ERAS: variants seen among roughly 807,000 people sequenced by gnomAD.
ERAS encodes GTPase ERas.
For missense variants in ERAS, 137 were observed against 199.2 expected (o/e 0.69, Z 1.88); for synonymous variants, 87 against 89.1 (o/e 0.98, Z 0.13).
At chrX:48,828,507 G>A (rs1418151343) in intron 1 of ERAS, among the ~76,000 whole-genome samples, 4 of 112,107 alleles carry the variant, frequency 3.6e-5, no homozygotes, top group African/African-American at 1.3e-4. Flanking sequence ...AACAGACCAC[G>A]TGATTTACAT....
intron 1 of ERAS, among the ~76,000 whole-genome samples, chrX:48,827,770 T>A (rs1485503013): frequency 9.0e-6 from 1 of 111,402 alleles, no homozygotes; most frequent in Non-Finnish European, 1.9e-5. Context: ...ATTGACCACC[T>A]GCCGTGTGCC....
At position 48,829,651 on chromosome X, in the gene ERAS, C is replaced by T. The variant is rs1557033057; in HGVS notation, c.528C>T (p.His176=). Residue 176 remains histidine (H), a synonymous_variant, in exon 2 of 2, where the codon CAC becomes CAT. Coordinates refer to ENST00000636362, the MANE Select transcript of ERAS (RefSeq NM_181532.3). ...AAALAHSWGA[H]FVETSAKTRQ... ...CCCTCGCACACAGCTGGGGGGCCCA[C>T]TTCGTGGAGACCTCGGCCAAAACAC... is the stretch of plus-strand genomic sequence containing the variant. 5 of 1,209,827 alleles carry T rather than the reference C, an allele frequency of 4.1e-6. No individual in the cohort carries two copies. The highest frequency in any genetic ancestry group is 3.5e-5 in the South Asian group (2 of 56,619).
rs1557032986 is a variant in ERAS at position 48,829,263 on chromosome X, T to C, written c.140T>C (p.Val47Ala). 2 of 1,207,975 alleles carry C rather than the reference T, an allele frequency of 1.7e-6. No homozygotes were observed. Among genetic ancestry groups the C allele is most frequent in the Admixed American group, 4.4e-5 (2 of 45,802 alleles). ...CTGCCTGAGTACAAGGCTGTGGTGGTGGGCGCCAGTGGCGTGGGCAAGAGT... is the reference window on the plus strand; with the variant it reads ...CTGCCTGAGTACAAGGCTGTGGTGGCGGGCGCCAGTGGCGTGGGCAAGAGT... Reference protein sequence around the residue: ...RQLPEYKAVVVGASGVGKSAL... With the variant: ...RQLPEYKAVVAGASGVGKSAL... Residue 47 changes from valine (V) to alanine (A), a missense_variant, in exon 2 of 2, where the codon GTG (valine) becomes GCG (alanine). By Grantham distance (64) the Val-to-Ala change is moderately conservative. Coordinates refer to ENST00000636362, the MANE Select transcript of ERAS (RefSeq NM_181532.3).
rs782704700 is a variant in ERAS at position 48,829,713 on chromosome X, A to G, written c.590A>G (p.His197Arg). ...GAGGAGGCCTTTTCCCTGCTGGTCCATGAGATCCAGAGGGTCCAGGAGGCC... is the reference window on the plus strand; with the variant it reads ...GAGGAGGCCTTTTCCCTGCTGGTCCGTGAGATCCAGAGGGTCCAGGAGGCC... Reference protein sequence around the residue: ...GVEEAFSLLVHEIQRVQEAMA... With the variant: ...GVEEAFSLLVREIQRVQEAMA... The change falls in exon 2 of 2, where the codon CAT (histidine) becomes CGT (arginine). Residue 197 changes from histidine (H) to arginine (R), a missense_variant. His to Arg is a conservative substitution (Grantham distance 29). Transcript: ENST00000636362. The G allele has an allele frequency of 6.6e-6, 8 of 1,205,603 alleles. No homozygotes were observed. Among genetic ancestry groups the G allele is most frequent in the Non-Finnish European group, 9.0e-6 (8 of 892,695 alleles).
At chrX:48,828,853 C>A (rs2063165488) in intron 1 of ERAS, 1 of 271,096 alleles carries the variant, frequency 3.7e-6, no homozygotes, top group Non-Finnish European at 6.5e-6. Flanking sequence ...GGAAATCCAG[C>A]CTTCACAGTT....
At chrX:48,828,555 T>C (rs2063164958) in intron 1 of ERAS, among the ~76,000 whole-genome samples, 1 of 111,981 alleles carries the variant, frequency 8.9e-6, no homozygotes, top group African/African-American at 3.2e-5. Context: ...CTCTGCCTTT[T>C]AGAACATAAA....
Position 48,829,153 on chromosome X carries a change from C to T in ERAS, c.30C>T (p.Phe10=), listed in dbSNP as rs782745358. The part of the protein sequence containing the change: MELPTKPGT[F]DLGLATWSPS... ...AGCTGCCAACAAAGCCTGGCACCTTCGACCTGGGCCTGGCCACATGGAGCC... is the reference window on the plus strand; with the variant it reads ...AGCTGCCAACAAAGCCTGGCACCTTTGACCTGGGCCTGGCCACATGGAGCC... Residue 10 remains phenylalanine (F), a synonymous_variant, in exon 2 of 2, where the codon TTC becomes TTT. Coordinates refer to ENST00000636362, the MANE Select transcript of ERAS (RefSeq NM_181532.3). 2.4e-5 allele frequency: 27 copies of T among 1,111,477 alleles called. No homozygotes were observed. Among genetic ancestry groups the T allele is most frequent in the Non-Finnish European group, 3.0e-5 (25 of 847,121 alleles). The allele number at this position is 1,111,477 out of a possible 1,213,427, so 91.6% of individuals were successfully genotyped here. A position where few individuals can be genotyped will look rare whatever the true frequency, so the allele number is the denominator to read the frequency against.
chrX:48,828,688 TG>T (rs781818557), intron 1 of ERAS, among the ~76,000 whole-genome samples: 16 of 111,200 alleles, frequency 1.4e-4, no homozygotes, highest in Non-Finnish European at 3.0e-4. Flanking sequence ...GAACTGCTAA[TG>T]GGCATGGGGA....
intron 1 of ERAS, among the ~76,000 whole-genome samples, chrX:48,826,917 GC>G (rs782817484): frequency 4.4e-5 from 5 of 112,862 alleles, no homozygotes; most frequent in African/African-American, 1.6e-4. Context: ...GCTGGGCGAA[GC>G]CCCCCAACCT....
chrX:48,829,158 T>G lies in ERAS; in HGVS notation c.35T>G (p.Leu12Arg). 8.9e-7 allele frequency: 1 copy of G among 1,122,228 alleles called. No homozygotes were observed. Among genetic ancestry groups the G allele is most frequent in the Non-Finnish European group, 1.2e-6 (1 of 851,765 alleles). The allele number at this position is 1,122,228 out of a possible 1,213,427, so 92.5% of individuals were successfully genotyped here. Residue 12 changes from leucine to arginine, a missense_variant, in exon 2 of 2, where the codon CTG becomes CGG. Transcript: ENST00000636362. ...ELPTKPGTFD[L>R]GLATWSPSFQ... is the part of the protein sequence containing the mutation. ...CCAACAAAGCCTGGCACCTTCGACC[T>G]GGGCCTGGCCACATGGAGCCCTTCC...
chrX:48,827,587 T>A (rs1400125569), intron 1 of ERAS, among the ~76,000 whole-genome samples: 1 of 111,788 alleles, frequency 8.9e-6, no homozygotes, highest in Non-Finnish European at 1.9e-5. Context: ...GATCTCCAGC[T>A]CCACCAAACC....
At chrX:48,827,010 C>A (rs1557032709) in intron 1 of ERAS, among the ~76,000 whole-genome samples, 1 of 112,585 alleles carries the variant, frequency 8.9e-6, no homozygotes, top group East Asian at 2.8e-4. Context: ...CCCCAATCTC[C>A]GGCGCCTCCC....
Position 48,829,856 on chromosome X carries a change from C to T in ERAS, c.*31C>T. On this transcript the variant is annotated 3_prime_UTR_variant, in exon 2 of 2. Coordinates refer to ENST00000636362, the MANE Select transcript of ERAS (RefSeq NM_181532.3). ...TTGGCCAAGAAATGTAGACCTTTCC[C>T]CAGGCCAGGGTGATTGTTCATTTGA... The T allele has an allele frequency of 2.8e-6, 3 of 1,079,591 alleles. No homozygotes were observed. The highest frequency in any genetic ancestry group is 3.7e-6 in the Non-Finnish European group (3 of 818,876). The allele number at this position is 1,079,591 out of a possible 1,213,427, so 89.0% of individuals were successfully genotyped here.
At position 48,829,157 on chromosome X, in the gene ERAS, C is replaced by T; in HGVS notation, c.34C>T (p.Leu12=). 8 of 1,121,381 alleles carry T rather than the reference C, an allele frequency of 7.1e-6. No individual in the cohort carries two copies. The highest frequency in any genetic ancestry group is 8.2e-6 in the Non-Finnish European group (7 of 851,387). The allele number at this position is 1,121,381 out of a possible 1,213,427, so 92.4% of individuals were successfully genotyped here. A position where few individuals can be genotyped will look rare whatever the true frequency, so the allele number is the denominator to read the frequency against. The part of the protein sequence containing the change: ...ELPTKPGTFD[L]GLATWSPSFQ... The stretch of plus-strand genomic sequence containing the variant: ...GCCAACAAAGCCTGGCACCTTCGAC[C>T]TGGGCCTGGCCACATGGAGCCCTTC... Residue 12 remains leucine (L), a synonymous_variant, in exon 2 of 2, where the codon CTG becomes TTG. Coordinates refer to ENST00000636362, the MANE Select transcript of ERAS (RefSeq NM_181532.3).
chrX:48,829,825 A>G lies in ERAS; in HGVS notation c.702A>G (p.Ter234TrpextTer?). The G allele has an allele frequency of 8.8e-7, 1 of 1,132,599 alleles. No individual in the cohort carries two copies. Among genetic ancestry groups the G allele is most frequent in the Non-Finnish European group, 1.2e-6 (1 of 854,174 alleles). 93.3% of individuals were successfully genotyped at this position (1,132,599 alleles called of 1,213,427 possible). The change falls in exon 2 of 2, where the codon TGA becomes TGG. Residue 234 changes from the stop codon to tryptophan (W), a stop_lost. Transcript: ENST00000636362. ...GCCACTGTGGCTGCTCTGTGGCCTG[A>G]AGGTCTTGGCCAAGAAATGTAGACC... is the stretch of plus-strand genomic sequence containing the variant. ...ATCHCGCSVA[*>W]
intron 1 of ERAS, 26 bp downstream of exon 1, chrX:48,826,575 C>G (rs1459886154): frequency 3.6e-5 from 4 of 112,276 alleles, no homozygotes; most frequent in Non-Finnish European, 7.6e-5. Context: ...GTGCCCCTGG[C>G]CCTGCCAGGC....
chrX:48,829,693 G>T lies in ERAS; in HGVS notation c.570G>T (p.Glu190Asp). The T allele has an allele frequency of 8.3e-7, 1 of 1,207,958 alleles. No individual in the cohort carries two copies. Among genetic ancestry groups the T allele is most frequent in the Admixed American group, 2.2e-5 (1 of 45,656 alleles). ...TSAKTRQGVE[E>D]AFSLLVHEIQ... The stretch of plus-strand genomic sequence containing the variant: ...CCAAAACACGGCAAGGCGTGGAGGA[G>T]GCCTTTTCCCTGCTGGTCCATGAGA... The change falls in exon 2 of 2, where the codon GAG becomes GAT. Residue 190 changes from glutamate to aspartate, a missense_variant. Physicochemically the swap from Glu to Asp is conservative, Grantham distance 45. Transcript: ENST00000636362.
At chrX:48,827,157 C>T (rs1557032746) in intron 1 of ERAS, among the ~76,000 whole-genome samples, 1 of 109,678 alleles carries the variant, frequency 9.1e-6, no homozygotes, top group African/African-American at 3.3e-5. Flanking sequence ...CCCCGTCCCG[C>T]CAGGCACCTG....
intron 1 of ERAS, among the ~76,000 whole-genome samples, chrX:48,827,794 C>T (rs1052903674): frequency 1.8e-5 from 2 of 111,567 alleles, no homozygotes; most frequent in Non-Finnish European, 3.8e-5. Flanking sequence ...CCTCTTCGAA[C>T]ATGCAACTTC....
Sources: gnomAD v4.1 joint callset for allele counts (sites outside exome capture counted in the v4.1 genomes callset) on GRCh38, gnomAD v4.1.1 for gene constraint, MANE v1.5 for transcripts, NCBI Gene and HGNC (gene_info 2026-07-23, HGNC 2026-07-21) for gene names.